CACNA1G: variants seen among roughly 807,000 people sequenced by gnomAD.
CACNA1G encodes calcium voltage-gated channel subunit alpha1 G, also known as voltage-dependent T-type calcium channel subunit alpha-1G.
A neutral mutation model predicts 219.4 loss-of-function variants in CACNA1G; 67 were observed. The ratio of observed to expected loss-of-function variants is 0.31; its 90% CI spans 0.25 to 0.37. The LOEUF is 0.37. Ranked by LOEUF, CACNA1G falls within the 10% of genes least tolerant of loss-of-function variation. The pLI is 1.00. For synonymous variants in CACNA1G, 1,296 were observed against 1,345.3 expected (o/e 0.96, Z 0.80); for missense variants, 2,380 against 3,231.4 (o/e 0.74, Z 6.39).
chr17:50,623,194 C>T (rs2052618669), intron 35 of CACNA1G, among the ~76,000 whole-genome samples: 1 of 145,660 alleles, frequency 6.9e-6, no homozygotes, highest in African/African-American at 2.5e-5. Context: ...CCCCCCGGCT[C>T]AAGCAATCCT....
chr17:50,603,164 G>T lies in CACNA1G; in HGVS notation c.4134G>T (p.Arg1378Ser). 1 of 1,610,146 alleles carries T rather than the reference G, an allele frequency of 6.2e-7. No individual in the cohort carries two copies. The change falls in exon 21 of 38, where the codon AGG becomes AGT. Residue 1378 changes from arginine (R) to serine (S), a missense_variant. Transcript: ENST00000359106. The surrounding 1 kb of genome is among the most constrained non-coding windows in gnomAD (Gnocchi z 6.4). ...DSGTKILGML[R>S]VLRLLRTLRP... ...GCACCAAGATCCTGGGCATGCTGAG[G>T]GTGCTGCGGCTGCTGCGGACCCTGC...
intron 36 of CACNA1G, 110 bp downstream of exon 36, chr17:50,624,185 C>A: frequency 7.1e-7 from 1 of 1,400,454 alleles, no homozygotes; most frequent in Non-Finnish European, 9.9e-7. Context: ...AGAGGTATCT[C>A]TGACCTCAGG....
intron 36 of CACNA1G, 36 bp from the exon 37 acceptor site, chr17:50,624,324 T>TCCCCCCCCCCCCCCCCCCCCCCCCCCCC: frequency 3.4e-6 from 4 of 1,177,660 alleles, no homozygotes; most frequent in South Asian, 1.3e-5. Flanking sequence ...CTCCATTCTC[T>TCCCCCCCCCCCCCCCCCCCCCCCCCCCC]CCCCCCACCC....
Position 50,600,694 on chromosome 17 carries a change from G to A in CACNA1G, c.3691-32G>A. ...AGGAGCCGGGGAACCTGGAGGCCTGGTCCTGCTCATACTCCAGTGTTTGTT... is the reference window on the plus strand; with the variant it reads ...AGGAGCCGGGGAACCTGGAGGCCTGATCCTGCTCATACTCCAGTGTTTGTT... On this transcript the variant is annotated intron_variant, in intron 17 of 37. Transcript: ENST00000359106. This position sits in a 1 kb window ranked among gnomAD's most constrained non-coding sequence, Gnocchi z 4.1. The A allele has an allele frequency of 6.3e-7, 1 of 1,594,592 alleles. No individual in the cohort carries two copies. Among genetic ancestry groups the A allele is most frequent in the South Asian group, 1.1e-5 (1 of 90,722 alleles).
intron 9 of CACNA1G, among the ~76,000 whole-genome samples, chr17:50,585,050 G>C (rs1003061901): frequency 6.6e-6 from 1 of 152,138 alleles, no homozygotes; most frequent in African/African-American, 2.4e-5. Flanking sequence ...GAAAGTCTTC[G>C]TCAGAAGGGC....
Position 50,617,384 on chromosome 17 carries a change from C to A in CACNA1G, c.5022-54C>A. On this transcript the variant is annotated intron_variant, in intron 28 of 37. Transcript: ENST00000359106. The surrounding 1 kb of genome is among the most constrained non-coding windows in gnomAD (Gnocchi z 5.8). ...TGTCTTTCTGTGCCACGACTGCCCC[C>A]TCCTTCAGGAACCCCCTCCCCCAAC... The A allele has an allele frequency of 6.4e-7, 1 of 1,572,544 alleles. No individual in the cohort carries two copies.
rs2041123882 is a variant in CACNA1G at position 50,578,144 on chromosome 17, G to C, written c.1925-44G>C. On this transcript the variant is annotated intron_variant, in intron 8 of 37. Transcript: ENST00000359106. The surrounding 1 kb of genome is among the most constrained non-coding windows in gnomAD (Gnocchi z 4.5). The stretch of plus-strand genomic sequence containing the variant: ...ATACTCACAGGGCAGGGTAGCCCCA[G>C]GTACGAGACTCTGGAGCCTCTCACC... 5 of 1,503,804 alleles carry C rather than the reference G, an allele frequency of 3.3e-6. No individual in the cohort carries two copies. The highest frequency in any genetic ancestry group is 3.5e-6 in the Non-Finnish European group (4 of 1,130,648). 93.2% of individuals were successfully genotyped at this position (1,503,804 alleles called of 1,614,324 possible).
intron 10 of CACNA1G, 147 bp from the exon 11 acceptor site, chr17:50,591,288 G>C: frequency 1.4e-6 from 1 of 733,156 alleles, no homozygotes; most frequent in Non-Finnish European, 2.1e-6. Flanking sequence ...GGAGGCTCCT[G>C]CTTAGAGGTC....
In CACNA1G at chr17:50,578,389, A is replaced by G. The variant is rs1244339474; in HGVS notation, c.2126A>G (p.His709Arg). 2 of 1,613,108 alleles carry G rather than the reference A, an allele frequency of 1.2e-6. No individual in the cohort carries two copies. The highest frequency in any genetic ancestry group is 1.7e-5 in the Admixed American group (1 of 59,988). Residue 709 changes from histidine (H) to arginine (R), a missense_variant, in exon 9 of 38, where the codon CAC becomes CGC. Coordinates refer to ENST00000359106, the MANE Select transcript of CACNA1G (RefSeq NM_018896.5). The surrounding 1 kb of genome is among the most constrained non-coding windows in gnomAD (Gnocchi z 4.5). ...DAQHSDLRDP[H>R]SRRQRSLGPD... Reference sequence around the variant, plus strand: ...CAGCACAGCGACCTCCGGGACCCCCACAGCCGGCGGCAACGGAGCCTGGGC... The same window carrying G: ...CAGCACAGCGACCTCCGGGACCCCCGCAGCCGGCGGCAACGGAGCCTGGGC...
chr17:50,565,383 G>C (rs1247734242), intron 1 of CACNA1G, among the ~76,000 whole-genome samples: 1 of 75,668 alleles, frequency 1.3e-5, no homozygotes, highest in Non-Finnish European at 3.3e-5. Flanking sequence ...CTTGTGGGGT[G>C]GGGCGGGGGG....
At chr17:50,572,511 C>A (rs1342696445) in intron 5 of CACNA1G, 43 bp from the exon 6 acceptor site, 6 of 1,460,816 alleles carry the variant, frequency 4.1e-6, no homozygotes, top group Non-Finnish European at 5.5e-6. Context: ...CCCTGGAGAG[C>A]CCACTCCCCA....
At chr17:50,586,509 G>A (rs558739115) in intron 9 of CACNA1G, among the ~76,000 whole-genome samples, 1 of 152,332 alleles carries the variant, frequency 6.6e-6, no homozygotes, top group African/African-American at 2.4e-5. Flanking sequence ...TTGAGCTCCC[G>A]TGGCTCCTGG....
At chr17:50,592,278 A>G (rs1240445345) in intron 13 of CACNA1G, among the ~76,000 whole-genome samples, 186 bp downstream of exon 13, 2 of 152,092 alleles carry the variant, frequency 1.3e-5, no homozygotes, top group Non-Finnish European at 2.9e-5. Context: ...GCCCCTCATC[A>G]CATGGGACAC....
intron 9 of CACNA1G, among the ~76,000 whole-genome samples, chr17:50,582,908 G>T (rs1222240830): frequency 1.3e-5 from 2 of 152,082 alleles, no homozygotes; most frequent in African/African-American, 4.8e-5. Context: ...ACACTCTGGG[G>T]CCATCCTGTC....
rs1567812769 is a variant in CACNA1G, at chr17:50,626,964, G to A, written c.*213G>A. ...AACTCTGGCTCCAGGCAGAAGGAGAGGCCCGGTGCAGCTGAGGTTCCCGAC... is the reference window on the plus strand; with the variant it reads ...AACTCTGGCTCCAGGCAGAAGGAGAAGCCCGGTGCAGCTGAGGTTCCCGAC... On this transcript the variant is annotated 3_prime_UTR_variant, in exon 38 of 38. Transcript: ENST00000359106. The surrounding 1 kb of genome is among the most constrained non-coding windows in gnomAD (Gnocchi z 4.3). The A allele has an allele frequency of 1.4e-6, 1 of 705,958 alleles. No homozygotes were observed. Among genetic ancestry groups the A allele is most frequent in the East Asian group, 2.7e-5 (1 of 36,664 alleles). The allele number at this position is 705,958 out of a possible 1,614,324, so 43.7% of individuals were successfully genotyped here. A position where few individuals can be genotyped will look rare whatever the true frequency, so the allele number is the denominator to read the frequency against.
chr17:50,598,653 G>A (rs1460613229), intron 16 of CACNA1G, among the ~76,000 whole-genome samples: 1 of 152,234 alleles, frequency 6.6e-6, no homozygotes, highest in African/African-American at 2.4e-5. Flanking sequence ...AATCCAACAG[G>A]TGTGAGATAA....
chr17:50,623,487 G>A (rs59013675), intron 35 of CACNA1G, among the ~76,000 whole-genome samples: 3,805 of 151,802 alleles, frequency 0.025, 178 homozygotes, highest in African/African-American at 0.087. Flanking sequence ...TGTGGACACC[G>A]GGACTCCCTT....
chr17:50,603,960 A>G lies in CACNA1G; in HGVS notation c.4170-195A>G, dbSNP rs2047372411. On this transcript the variant is annotated intron_variant, in intron 21 of 37. Coordinates refer to ENST00000359106, the MANE Select transcript of CACNA1G (RefSeq NM_018896.5). This position sits in a 1 kb window ranked among gnomAD's most constrained non-coding sequence, Gnocchi z 6.4. ...GGAGGTGGAGATGTGGGGCATGGGG[A>G]TCTCTGCCACTTGTTTTGAGAGATT... Among the ~76,000 whole-genome samples, 1 of 152,064 alleles carries G rather than the reference A, an allele frequency of 6.6e-6. No homozygotes were observed. The highest frequency in any genetic ancestry group is 1.9e-4 in the East Asian group (1 of 5,196).
chr17:50,569,641 T>C, intron 3 of CACNA1G, 65 bp from the exon 4 acceptor site: 1 of 1,122,990 alleles, frequency 8.9e-7, no homozygotes, highest in South Asian at 1.3e-5. Flanking sequence ...GATTCCTCAT[T>C]GACCTCTTTT....
Sources: gnomAD v4.1 joint callset for allele counts (sites outside exome capture counted in the v4.1 genomes callset) on GRCh38, gnomAD v4.1.1 for gene constraint, Gnocchi (gnomAD v3.1) non-coding constraint, MANE v1.5 for transcripts, NCBI Gene and HGNC (gene_info 2026-07-23, HGNC 2026-07-21) for gene names.